Variants in GNG7 observed in about 807,000 individuals in gnomAD.
GNG7 encodes the protein guanine nucleotide-binding protein G(I)/G(S)/G(O) subunit gamma-7.
Under a neutral mutation model 4.0 loss-of-function variants are expected in GNG7, and 1 was observed. The ratio of observed to expected loss-of-function variants is 0.25; its 90% CI spans 0.09 to 1.18. The LOEUF is 1.18. Ranked by LOEUF, GNG7 falls within the 50% of genes most tolerant of loss-of-function variation. The probability of loss-of-function intolerance (pLI) is 0.50; values close to 1 mark genes in which losing one functional copy is unlikely to be tolerated. For missense variants in GNG7, 86 were observed against 91.9 expected, an observed-to-expected ratio of 0.94 and a Z score of 0.26; for synonymous variants, 34 against 36.9, an observed-to-expected ratio of 0.92 and a Z score of 0.29.
At chr19:2,663,809 T>C (rs1983237405) in intron 1 of GNG7, among the ~76,000 whole-genome samples, 2 of 152,210 alleles carry the variant, frequency 1.3e-5, no homozygotes, top group Non-Finnish European at 2.9e-5. Context: ...CTTTTATCTA[T>C]TTCCTACTAA....
At chr19:2,673,270 A>T (rs565501528) in intron 1 of GNG7, among the ~76,000 whole-genome samples, 1 of 147,044 alleles carries the variant, frequency 6.8e-6, no homozygotes, top group East Asian at 2.0e-4. Context: ...AAAAAAAACA[A>T]AACAAAACAA....
chr19:2,693,329 T>C (rs1323654370), intron 1 of GNG7, among the ~76,000 whole-genome samples: 5 of 150,662 alleles, frequency 3.3e-5, no homozygotes, highest in Non-Finnish European at 7.4e-5. Flanking sequence ...GGTGGGAGGA[T>C]TGCTTGAGCC....
chr19:2,548,350 G>A (rs1050713568), intron 3 of GNG7, among the ~76,000 whole-genome samples: 6 of 150,972 alleles, frequency 4.0e-5, no homozygotes, highest in Admixed American at 1.3e-4. Flanking sequence ...GTGTGGTGGC[G>A]GGCGCCTGTA....
chr19:2,579,970 C>T (rs561739039), intron 2 of GNG7, among the ~76,000 whole-genome samples: 7 of 152,202 alleles, frequency 4.6e-5, no homozygotes, highest in East Asian at 1.9e-4. Context: ...GTTCTGGGGG[C>T]GCAGGTGTCT....
At chr19:2,681,760 TC>T (rs1280382270) in intron 1 of GNG7, among the ~76,000 whole-genome samples, 1 of 152,118 alleles carries the variant, frequency 6.6e-6, no homozygotes, top group Non-Finnish European at 1.5e-5. Context: ...TGTCTCTACC[TC>T]CCCGTGAGCC....
chr19:2,635,347 C>G (rs537667326), intron 2 of GNG7, among the ~76,000 whole-genome samples: 2 of 152,296 alleles, frequency 1.3e-5, no homozygotes, highest in Admixed American at 1.3e-4. Flanking sequence ...GTGAGAGACC[C>G]TGCCTTAATT....
At chr19:2,642,421 A>G in intron 2 of GNG7, 2 of 296,922 alleles carry the variant, frequency 6.7e-6, no homozygotes, top group Admixed American at 4.8e-5. Flanking sequence ...GTTGGAGTGC[A>G]GTGGTGCAAT....
chr19:2,521,018 G>A (rs1978305395), intron 3 of GNG7, among the ~76,000 whole-genome samples: 1 of 152,066 alleles, frequency 6.6e-6, no homozygotes, highest in Admixed American at 6.5e-5. Flanking sequence ...CACTTTGGGA[G>A]GCTGAGGCAG....
At chr19:2,521,610 G>GTGTTT (rs1555690403) in intron 3 of GNG7, among the ~76,000 whole-genome samples, 4 of 46,626 alleles carry the variant, frequency 8.6e-5, no homozygotes, top group African/African-American at 1.9e-4. Flanking sequence ...GTCCCCCTCC[G>GTGTTT]TGTTTTTTTT....
chr19:2,560,769 CA>C (rs1247033141), intron 2 of GNG7, among the ~76,000 whole-genome samples: 1 of 151,934 alleles, frequency 6.6e-6, no homozygotes, highest in African/African-American at 2.4e-5. Flanking sequence ...CCAGCCTGAC[CA>C]ACATGGGTAG....
At chr19:2,586,735 A>C (rs1191379362) in intron 2 of GNG7, among the ~76,000 whole-genome samples, 4 of 152,124 alleles carry the variant, frequency 2.6e-5, no homozygotes, top group Non-Finnish European at 5.9e-5. Context: ...CTGTAATCCC[A>C]GCACTTTGGG....
chr19:2,571,165 C>G (rs1156499700), intron 2 of GNG7, among the ~76,000 whole-genome samples: 1 of 150,742 alleles, frequency 6.6e-6, no homozygotes, highest in Non-Finnish European at 1.5e-5. Context: ...CCTGGCCTCT[C>G]GGACTGTCAC....
At chr19:2,598,757 G>A (rs1981111577) in intron 2 of GNG7, among the ~76,000 whole-genome samples, 1 of 151,016 alleles carries the variant, frequency 6.6e-6, no homozygotes, top group African/African-American at 2.4e-5. Context: ...AAAAGAATCA[G>A]ACATCGGGTG....
In GNG7 at chr19:2,512,389, C is replaced by T; in HGVS notation, c.*2633G>A. On this transcript the variant is annotated 3_prime_UTR_variant, in exon 5 of 5. Coordinates refer to ENST00000382159, the MANE Select transcript of GNG7 (RefSeq NM_052847.3). This position sits in a 1 kb window ranked among gnomAD's most constrained non-coding sequence, Gnocchi z 4.7. ...GTGGAGAATTTTTTTTTTAATCCCCCAAGCTAGAAAGAAACCCACAGGCTT... is the reference window on the plus strand; with the variant it reads ...GTGGAGAATTTTTTTTTTAATCCCCTAAGCTAGAAAGAAACCCACAGGCTT... 2.0e-6 allele frequency: 2 copies of T among 984,418 alleles called. No homozygotes were observed. The highest frequency in any genetic ancestry group is 1.2e-6 in the Non-Finnish European group (1 of 829,048). 61.0% of individuals were successfully genotyped at this position (984,418 alleles called of 1,614,324 possible). A position where few individuals can be genotyped will look rare whatever the true frequency, so the allele number is the denominator to read the frequency against.
intron 3 of GNG7, among the ~76,000 whole-genome samples, chr19:2,541,369 T>C (rs1418611678): frequency 6.6e-6 from 1 of 151,976 alleles, no homozygotes; most frequent in African/African-American, 2.4e-5. Flanking sequence ...GAGAACATAA[T>C]GAGGGTGCAG....
intron 2 of GNG7, among the ~76,000 whole-genome samples, chr19:2,579,172 G>A (rs1437009473): frequency 2.0e-5 from 3 of 152,270 alleles, no homozygotes; most frequent in Non-Finnish European, 4.4e-5. Flanking sequence ...CCCCGGCCGG[G>A]CAGGTCCAGA....
At position 2,593,841 on chromosome 19, in the gene GNG7, G is replaced by A. The variant is rs1192684980; in HGVS notation, c.-77-38653C>T. On this transcript the variant is annotated intron_variant, in intron 2 of 4. Transcript: ENST00000382159. ...TCTGTGGTCCATGCCATTTCCTTCT[G>A]TTTCAATGTTATATATGTTTTGATT... 4.1e-5 allele frequency among the ~76,000 whole-genome samples: 5 copies of A among 123,184 alleles called. No homozygotes were observed. The East Asian group carries it at 1.2e-3, about 29-fold the overall frequency. 80.8% of individuals were successfully genotyped at this position (123,184 alleles called of 152,430 possible). A position where few individuals can be genotyped will look rare whatever the true frequency, so the allele number is the denominator to read the frequency against.
chr19:2,512,111 A>G lies in GNG7; in HGVS notation c.*2911T>C, dbSNP rs778108694. 128 of 985,626 alleles carry G rather than the reference A, an allele frequency of 1.3e-4. No individual in the cohort carries two copies. Among genetic ancestry groups the G allele is most frequent in the Non-Finnish European group, 1.5e-4 (128 of 829,926 alleles). 61.1% of individuals were successfully genotyped at this position (985,626 alleles called of 1,614,324 possible). A position where few individuals can be genotyped will look rare whatever the true frequency, so the allele number is the denominator to read the frequency against. ...TGCGTGGGTGGGGGTGAGTGTCCTT[A>G]ACTCTCTTTTCCCCTGGCGTAGCTG... On this transcript the variant is annotated 3_prime_UTR_variant, in exon 5 of 5. Transcript: ENST00000382159. This position sits in a 1 kb window ranked among gnomAD's most constrained non-coding sequence, Gnocchi z 4.7.
chr19:2,668,749 G>C (rs1983376435), intron 1 of GNG7, among the ~76,000 whole-genome samples: 1 of 152,148 alleles, frequency 6.6e-6, no homozygotes, highest in Non-Finnish European at 1.5e-5. Context: ...AATATGCCGT[G>C]ACATCCTGAT....
Sources: allele counts gnomAD v4.1 joint callset (sites outside exome capture counted in the v4.1 genomes callset), GRCh38; gene constraint gnomAD v4.1.1; non-coding constraint Gnocchi (gnomAD v3.1); transcripts MANE v1.5; gene names NCBI Gene and HGNC (gene_info 2026-07-23, HGNC 2026-07-21).